ESR2: variants seen among roughly 807,000 people sequenced by gnomAD.
The protein encoded by ESR2 is estrogen receptor beta.
ESR2 carries 36 observed loss-of-function variants against 49.6 expected under a neutral mutation model. The observed-to-expected ratio is 0.73, with a 90% confidence interval of 0.56 to 0.96. The LOEUF (loss-of-function observed/expected upper bound fraction) is 0.96, where lower values mean the gene tolerates loss of function less well. Among genes scored for constraint, ESR2 ranks in the 40% least tolerant of loss-of-function variants. The pLI, the probability that ESR2 is intolerant of heterozygous loss-of-function variation, is 0.00. For missense variants in ESR2, 714 were observed against 693.0 expected (o/e 1.03, Z -0.34); for synonymous variants, 320 against 266.1 (o/e 1.20, Z -1.97).
chr14:64,335,817 T>TC (rs2077523076), intron 1 of ESR2: 4 of 147,972 alleles, frequency 2.7e-5, no homozygotes, highest in African/African-American at 1.0e-4. Flanking sequence ...TTTTTTTTTT[T>TC]TTTTGAGATG....
intron 7 of ESR2, among the ~76,000 whole-genome samples, 188 bp downstream of exon 7, chr14:64,249,358 A>G (rs999301796): frequency 3.3e-5 from 5 of 152,214 alleles, no homozygotes; most frequent in African/African-American, 1.2e-4. Flanking sequence ...CTTAATGAGT[A>G]ATTTATGTCC....
At chr14:64,245,157 C>T (rs2075821828) in intron 7 of ESR2, among the ~76,000 whole-genome samples, 2 of 152,054 alleles carry the variant, frequency 1.3e-5, no homozygotes, top group African/African-American at 4.8e-5. Flanking sequence ...AAAATTGTCC[C>T]ATTTTCGCCA....
intron 4 of ESR2, among the ~76,000 whole-genome samples, chr14:64,264,240 T>C (rs1328966665): frequency 6.6e-6 from 1 of 152,218 alleles, no homozygotes; most frequent in Non-Finnish European, 1.5e-5. Context: ...TTAGAAAATG[T>C]GAGCAAATTT....
chr14:64,282,812 A>C lies in ESR2; in HGVS notation c.174T>G (p.Ile58Met). 1 of 1,614,232 alleles carries C rather than the reference A, an allele frequency of 6.2e-7. No homozygotes were observed. Among genetic ancestry groups the C allele is most frequent in the Non-Finnish European group, 8.5e-7 (1 of 1,180,018 alleles). The change falls in exon 2 of 9, where the codon ATT (isoleucine) becomes ATG (methionine). Residue 58 changes from isoleucine (I) to methionine (M), a missense_variant. Physicochemically the swap from Ile to Met is conservative, Grantham distance 10. Transcript: ENST00000341099. The stretch of plus-strand genomic sequence containing the variant: ...CTTCCAAGTTAGTGACATTGCTGGG[A>C]ATGCTGTAATTCATCACAGCAGGGC... ...FYSPAVMNYS[I>M]PSNVTNLEGG...
At chr14:64,245,849 A>G (rs1397553251) in intron 7 of ESR2, among the ~76,000 whole-genome samples, 1 of 152,236 alleles carries the variant, frequency 6.6e-6, no homozygotes, top group Non-Finnish European at 1.5e-5. Context: ...CTGCACAGAA[A>G]AGAGATCTAA....
downstream of ESR2, chr14:64,227,972 A>G (rs1467687161): frequency 6.3e-7 from 1 of 1,582,512 alleles, no homozygotes; most frequent in Non-Finnish European, 8.5e-7. Flanking sequence ...ATGATTACAG[A>G]AAATCTATCC....
intron 3 of ESR2, among the ~76,000 whole-genome samples, chr14:64,272,749 C>T (rs75431321): frequency 5.9e-5 from 9 of 152,060 alleles, no homozygotes; most frequent in Non-Finnish European, 1.0e-4. Context: ...GCTAGTACCA[C>T]GTTGTTTTGG....
chr14:64,285,843 G>GAA (rs1387820457), intron 1 of ESR2, among the ~76,000 whole-genome samples: 2 of 122,950 alleles, frequency 1.6e-5, no homozygotes, highest in Non-Finnish European at 3.5e-5. Flanking sequence ...AAAAAAAAAA[G>GAA]AAAAAGAAAA....
downstream of ESR2, chr14:64,227,317 C>G (rs1262300713): frequency 1.7e-6 from 1 of 594,842 alleles, no homozygotes; most frequent in African/African-American, 1.9e-5. Flanking sequence ...AGGAGACCAT[C>G]TGAAGAGAAT....
At chr14:64,227,600 G>A (rs1298806501), downstream of ESR2, 2 of 1,614,178 alleles carry the variant, frequency 1.2e-6, no homozygotes, top group Non-Finnish European at 1.7e-6. Flanking sequence ...GAGTGTTTGA[G>A]AGGCCTTTTC....
intron 8 of ESR2, 149 bp from the exon 9 acceptor site, chr14:64,233,472 C>T: frequency 2.9e-6 from 2 of 689,708 alleles, no homozygotes; most frequent in Non-Finnish European, 4.8e-6. Flanking sequence ...CTCGTGCATC[C>T]AGCTCCCCCT....
chr14:64,231,084 A>G lies in ESR2; in HGVS notation c.*2053T>C, dbSNP rs1448902683. On this transcript the variant is annotated 3_prime_UTR_variant, in exon 9 of 9. Transcript: ENST00000341099. ...GTATCTTTTGTAGGACAGGGTTTCC[A>G]TGTTGCCCAGCCTGGAGTCAAACTC... 5 of 151,862 alleles carry G rather than the reference A, an allele frequency of 3.3e-5. No individual in the cohort carries two copies. The highest frequency in any genetic ancestry group is 2.0e-4 in the Admixed American group (3 of 15,226). The allele number at this position is 151,862 out of a possible 1,614,324, so 9.4% of individuals were successfully genotyped here.
rs2098724857 is a variant in ESR2, at chr14:64,229,040, A to C, written c.*4097T>G. Among the ~76,000 whole-genome samples the C allele has an allele frequency of 6.6e-6, 1 of 152,206 alleles. No homozygotes were observed. The highest frequency in any genetic ancestry group is 1.5e-5 in the Non-Finnish European group (1 of 68,026). ...AGTACACTTCCAAGGAACATATTCC[A>C]CGTGTTTGGGGAAAGCAGTCACAGA... On this transcript the variant is annotated 3_prime_UTR_variant, in exon 9 of 9. Transcript: ENST00000341099.
intron 4 of ESR2, among the ~76,000 whole-genome samples, chr14:64,268,015 C>T (rs1025841813): frequency 2.6e-5 from 4 of 151,902 alleles, no homozygotes; most frequent in African/African-American, 9.7e-5. Context: ...TAAGTGCAGG[C>T]AGAACTGCTC....
rs144225815 is a variant in ESR2, at chr14:64,286,386, C to T, written c.-90-3311G>A. On this transcript the variant is annotated intron_variant, in intron 1 of 8. Transcript: ENST00000341099. ...TACAATCTTGGCTCACTGCAACCTC[C>T]GCCTCTTGACTTCAAGTGCTTCTCC... is the stretch of plus-strand genomic sequence containing the variant. 4.4e-3 allele frequency among the ~76,000 whole-genome samples: 674 copies of T among 152,022 alleles called. 6 individuals carry two copies. Among genetic ancestry groups the T allele is most frequent in the African/African-American group, 0.015 (632 of 41,470 alleles).
rs374870812 is a variant in ESR2, at chr14:64,268,868, G to T, written c.579C>A (p.Ile193=). The T allele has an allele frequency of 2.5e-6, 4 of 1,613,288 alleles. No homozygotes were observed. The South Asian group carries it at 4.4e-5, about 18-fold the overall frequency. Residue 193 remains isoleucine, a synonymous_variant, in exon 4 of 9, where the codon ATC becomes ATA. Transcript: ENST00000341099. The part of the protein sequence containing the change: ...YICPATNQCT[I]DKNRRKSCQA... The stretch of plus-strand genomic sequence containing the variant: ...GGCAGCTCTTGCGCCGGTTTTTATC[G>T]ATTGTACACTGATTTGTAGCTGGAC...
In ESR2 at chr14:64,235,460, G is replaced by T. The variant is rs115616684; in HGVS notation, c.1226-310C>A. Among the ~76,000 whole-genome samples, 323 of 152,334 alleles carry T rather than the reference G, an allele frequency of 2.1e-3. 3 individuals carry two copies. Among genetic ancestry groups the T allele is most frequent in the African/African-American group, 7.6e-3 (316 of 41,578 alleles). On this transcript the variant is annotated intron_variant, in intron 7 of 8. Coordinates refer to ENST00000341099, the MANE Select transcript of ESR2 (RefSeq NM_001437.3). ...TAGTCTCCCGAAATCATTACGTGGT[G>T]TTTCTCATCTGCAGCAACAGATACA...
intron 1 of ESR2, among the ~76,000 whole-genome samples, chr14:64,306,189 C>T (rs1343408175): frequency 2.1e-5 from 3 of 144,990 alleles, no homozygotes; most frequent in African/African-American, 7.7e-5. Flanking sequence ...GTGACAAGAG[C>T]GAAACTCCAT....
chr14:64,303,356 A>G (rs1246754315), intron 1 of ESR2: 3 of 147,082 alleles, frequency 2.0e-5, no homozygotes, highest in South Asian at 4.2e-4. Flanking sequence ...ATTCATAAAC[A>G]TTACATACAA....
Sources: gnomAD v4.1 joint callset for allele counts (sites outside exome capture counted in the v4.1 genomes callset) on GRCh38, gnomAD v4.1.1 for gene constraint, MANE v1.5 for transcripts, NCBI Gene and HGNC (gene_info 2026-07-23, HGNC 2026-07-21) for gene names.